Variants in UNC13C observed in about 807,000 individuals in gnomAD.
UNC13C encodes unc-13 homolog C.
A neutral mutation model predicts 245.4 loss-of-function variants in UNC13C; 174 were observed. The ratio of observed to expected loss-of-function variants is 0.71; its 90% CI spans 0.63 to 0.80. UNC13C has a LOEUF of 0.80. Ranked by LOEUF, UNC13C falls within the 30% of genes least tolerant of loss-of-function variation. UNC13C has a pLI of 0.00. For synonymous variants in UNC13C, 992 were observed against 895.1 expected, an observed-to-expected ratio of 1.11 and a Z score of -1.93; for missense variants, 2,829 against 2,602.9, an observed-to-expected ratio of 1.09 and a Z score of -1.89.
At chr15:54,608,672 T>C (rs960403969) in intron 30 of UNC13C, among the ~76,000 whole-genome samples, 3 of 152,220 alleles carry the variant, frequency 2.0e-5, no homozygotes, top group Non-Finnish European at 4.4e-5. Context: ...CAGCACTGTG[T>C]CACGATAAAA....
intron 8 of UNC13C, among the ~76,000 whole-genome samples, chr15:54,256,012 A>G (rs2036270125): frequency 6.6e-6 from 1 of 152,176 alleles, no homozygotes; most frequent in Non-Finnish European, 1.5e-5. Flanking sequence ...TATTCTATAT[A>G]ACATACTCAA....
chr15:54,293,799 A>T, intron 10 of UNC13C, 96 bp from the exon 11 acceptor site: 1 of 1,020,398 alleles, frequency 9.8e-7, no homozygotes, highest in Non-Finnish European at 1.3e-6. Flanking sequence ...GTAGTATATT[A>T]TGCCTTTCTA....
intron 30 of UNC13C, among the ~76,000 whole-genome samples, chr15:54,582,428 T>C (rs995043746): frequency 6.6e-6 from 1 of 151,914 alleles, no homozygotes; most frequent in African/African-American, 2.4e-5. Context: ...GTTAAGAGAG[T>C]AGTCAGTTCT....
intron 4 of UNC13C, among the ~76,000 whole-genome samples, chr15:54,220,936 TA>T (rs2035206884): frequency 6.6e-6 from 1 of 152,068 alleles, no homozygotes; most frequent in African/African-American, 2.4e-5. Context: ...AATAATGGTG[TA>T]TTATTTTATG....
intron 19 of UNC13C, among the ~76,000 whole-genome samples, chr15:54,455,347 T>C (rs1389271904): frequency 6.7e-6 from 1 of 150,184 alleles, no homozygotes; most frequent in Non-Finnish European, 1.5e-5. Flanking sequence ...TTTCAAATAA[T>C]GGCTTAATTT....
intron 18 of UNC13C, among the ~76,000 whole-genome samples, chr15:54,403,708 C>A (rs1196158494): frequency 9.0e-6 from 1 of 111,404 alleles, no homozygotes; most frequent in African/African-American, 3.5e-5. Context: ...AGAGTGAGAA[C>A]CTGTCTCAAA....
At chr15:54,058,529 G>T (rs1897649571) in intron 2 of UNC13C, among the ~76,000 whole-genome samples, 1 of 152,120 alleles carries the variant, frequency 6.6e-6, no homozygotes, top group Non-Finnish European at 1.5e-5. Flanking sequence ...TTCTACCAGA[G>T]GTACAAGGAG....
rs535840231 is a variant in UNC13C at position 54,138,760 on chromosome 15, G to A, written c.2984-4258G>A. On this transcript the variant is annotated intron_variant, in intron 2 of 32. Transcript: ENST00000260323. ...GAAAATTGAGTGACTTAGAGTAGCC[G>A]AAATTTATTCTGAGTTCTGGAGGCT... is the stretch of plus-strand genomic sequence containing the variant. Among the ~76,000 whole-genome samples, 14 of 151,790 alleles carry A rather than the reference G, an allele frequency of 9.2e-5. No individual in the cohort carries two copies. The South Asian group carries it at 2.3e-3, about 25-fold the overall frequency.
At chr15:54,168,702 G>T (rs1440491677) in intron 4 of UNC13C, among the ~76,000 whole-genome samples, 6 of 152,128 alleles carry the variant, frequency 3.9e-5, no homozygotes, top group Non-Finnish European at 7.4e-5. Context: ...CAACAGCGGT[G>T]TGAGGGTCAA....
intron 19 of UNC13C, among the ~76,000 whole-genome samples, chr15:54,460,267 G>A (rs1275762796): frequency 1.3e-5 from 2 of 152,202 alleles, no homozygotes; most frequent in South Asian, 2.1e-4. Flanking sequence ...CCCAGCCATG[G>A]ATACCAGCAC....
rs533918333 is a variant in UNC13C at position 54,351,383 on chromosome 15, G to C, written c.4713+12894G>C. Among the ~76,000 whole-genome samples, 10 of 152,136 alleles carry C rather than the reference G, an allele frequency of 6.6e-5. No homozygotes were observed. In the East Asian group the frequency reaches 1.7e-3, roughly 26 times the overall value. Reference sequence around the variant, plus strand: ...ACTTTTTAGTTTTTCTTTTTAGTAAGTATCTAGAGAAAAACTTGCACTGAA... The same window carrying C: ...ACTTTTTAGTTTTTCTTTTTAGTAACTATCTAGAGAAAAACTTGCACTGAA... On this transcript the variant is annotated intron_variant, in intron 17 of 32. Transcript: ENST00000260323.
intron 19 of UNC13C, among the ~76,000 whole-genome samples, chr15:54,487,920 C>T (rs986288857): frequency 1.3e-5 from 2 of 151,938 alleles, no homozygotes; most frequent in Non-Finnish European, 2.9e-5. Flanking sequence ...TACGTATAGT[C>T]ATTTATTTTT....
At chr15:53,925,449 A>G in the UNC13C span, among the ~76,000 whole-genome samples, 1 of 152,274 alleles carries the variant, frequency 6.6e-6, no homozygotes, top group Non-Finnish European at 1.5e-5. Flanking sequence ...AGCAGTTAGC[A>G]TTGGCCACAC....
At chr15:54,068,528 G>A (rs1475914366) in intron 2 of UNC13C, among the ~76,000 whole-genome samples, 1 of 152,158 alleles carries the variant, frequency 6.6e-6, no homozygotes, top group Non-Finnish European at 1.5e-5. Flanking sequence ...AAGTTGAGTG[G>A]TTGCCACAGA....
chr15:54,566,965 T>G (rs1816428736), intron 29 of UNC13C, among the ~76,000 whole-genome samples: 1 of 152,220 alleles, frequency 6.6e-6, no homozygotes, highest in East Asian at 1.9e-4. Context: ...AGAGAACCGT[T>G]TATCTAAACT....
At chr15:54,048,798 G>C (rs1296101808) in intron 2 of UNC13C, 1 of 244,378 alleles carries the variant, frequency 4.1e-6, no homozygotes, top group Non-Finnish European at 8.3e-6. Flanking sequence ...TCTTGTTATA[G>C]TTACCTGATT....
chr15:54,418,112 T>C (rs1470794324), intron 19 of UNC13C, among the ~76,000 whole-genome samples: 1 of 152,112 alleles, frequency 6.6e-6, no homozygotes, highest in South Asian at 2.1e-4. Context: ...ATTGTCCATA[T>C]TGATATTTGC....
At chr15:54,624,983 A>T (rs1901043428) in intron 32 of UNC13C, among the ~76,000 whole-genome samples, 2 of 152,132 alleles carry the variant, frequency 1.3e-5, no homozygotes, top group African/African-American at 2.4e-5. Context: ...GGAAAGTGAA[A>T]ACTTGATGTA....
chr15:54,412,121 G>A (rs1042803952), intron 18 of UNC13C, among the ~76,000 whole-genome samples: 3 of 151,892 alleles, frequency 2.0e-5, no homozygotes, highest in African/African-American at 7.3e-5. Context: ...CAAGAGAATC[G>A]CTTGAACCCA....
Sources: allele counts gnomAD v4.1 joint callset (sites outside exome capture counted in the v4.1 genomes callset), GRCh38; gene constraint gnomAD v4.1.1; transcripts MANE v1.5; gene names NCBI Gene and HGNC (gene_info 2026-07-23, HGNC 2026-07-21).